Variants in CSMD2 observed in about 807,000 individuals in gnomAD.
The protein encoded by CSMD2 is CUB and sushi domain-containing protein 2.
Under a neutral mutation model 398.5 loss-of-function variants are expected in CSMD2, and 130 were observed. The ratio of observed to expected loss-of-function variants is 0.33; its 90% CI spans 0.28 to 0.38. The LOEUF (loss-of-function observed/expected upper bound fraction) is 0.38. Among genes scored for constraint, CSMD2 ranks in the 10% least tolerant of loss-of-function variants. The probability of loss-of-function intolerance (pLI) is 1.00; values close to 1 mark genes in which losing one functional copy is unlikely to be tolerated. For missense variants in CSMD2, 3,829 were observed against 4,764.9 expected, an observed-to-expected ratio of 0.80 and a Z score of 5.78; for synonymous variants, 1,828 against 1,908.5, an observed-to-expected ratio of 0.96 and a Z score of 1.10.
Position 33,636,648 on chromosome 1 carries a change from T to A in CSMD2, c.4775-94A>T. On this transcript the variant is annotated intron_variant, in intron 29 of 70. Coordinates refer to ENST00000373381, the MANE Select transcript of CSMD2 (RefSeq NM_001281956.2). This position sits in a 1 kb window ranked among gnomAD's most constrained non-coding sequence, Gnocchi z 4.8. ...AGTGCCCATGAGGAGAACCCGACTT[T>A]AATTAGCCACAGAGCACACGGGGAT... The A allele has an allele frequency of 2.9e-6, 3 of 1,021,746 alleles. No individual in the cohort carries two copies. Among genetic ancestry groups the A allele is most frequent in the Non-Finnish European group, 4.4e-6 (3 of 678,168 alleles). 63.3% of individuals were successfully genotyped at this position (1,021,746 alleles called of 1,614,324 possible). A position where few individuals can be genotyped will look rare whatever the true frequency, so the allele number is the denominator to read the frequency against.
intron 12 of CSMD2, among the ~76,000 whole-genome samples, chr1:33,785,160 C>T (rs567540140): frequency 6.6e-6 from 1 of 152,334 alleles, no homozygotes; most frequent in South Asian, 2.1e-4. Flanking sequence ...ATCCAAGCTG[C>T]TAGCTATTAT....
At chr1:33,780,507 G>T (rs115405636) in intron 12 of CSMD2, among the ~76,000 whole-genome samples, 2 of 152,200 alleles carry the variant, frequency 1.3e-5, no homozygotes, top group Admixed American at 6.5e-5. Context: ...ACTGTCATGG[G>T]TTTGTCACCA....
chr1:33,880,732 T>C (rs2125172332), intron 5 of CSMD2, among the ~76,000 whole-genome samples: 1 of 152,348 alleles, frequency 6.6e-6, no homozygotes, highest in Non-Finnish European at 1.5e-5. Context: ...GAAGCAAAGC[T>C]CATATTGGTA....
chr1:33,920,227 A>G (rs1643889109), intron 4 of CSMD2, among the ~76,000 whole-genome samples: 1 of 152,120 alleles, frequency 6.6e-6, no homozygotes, highest in Non-Finnish European at 1.5e-5. Flanking sequence ...GCACCGTTGA[A>G]GAGCATCAAG....
chr1:33,654,787 C>T (rs1200980029), intron 27 of CSMD2, among the ~76,000 whole-genome samples: 1 of 152,244 alleles, frequency 6.6e-6, no homozygotes, highest in African/African-American at 2.4e-5. Context: ...AACGAGGCCT[C>T]CATTCTGGTT....
intron 3 of CSMD2, among the ~76,000 whole-genome samples, chr1:33,944,616 T>C (rs78301128): frequency 1.9e-3 from 285 of 152,258 alleles, no homozygotes; most frequent in Non-Finnish European, 3.4e-3. Flanking sequence ...ACACAGCTAG[T>C]AGGAGTAGTG....
At chr1:33,940,834 T>C (rs1289447831) in intron 3 of CSMD2, among the ~76,000 whole-genome samples, 1 of 152,200 alleles carries the variant, frequency 6.6e-6, no homozygotes, top group East Asian at 1.9e-4. Context: ...TTTTTCCCAG[T>C]CTGATTTGCC....
chr1:34,023,877 C>T (rs1032087238), intron 3 of CSMD2, among the ~76,000 whole-genome samples: 17 of 152,146 alleles, frequency 1.1e-4, no homozygotes, highest in South Asian at 4.1e-4. Context: ...GAAACCTAAC[C>T]GGGCATGAGA....
rs371578794 is a variant in CSMD2, at chr1:33,521,308, TG to T, written c.10597+154del. Among the ~76,000 whole-genome samples the T allele has an allele frequency of 4.5e-3, 682 of 152,274 alleles. 4 individuals carry two copies. Among genetic ancestry groups the T allele is most frequent in the South Asian group, 6.2e-3 (30 of 4,822 alleles). Reference sequence around the variant, plus strand: ...TTTTGGAGAGATATTCCATGGCTTTTGTCAGAATCTCAAGAGGCATCCCTGA... The same window carrying T: ...TTTTGGAGAGATATTCCATGGCTTTTTCAGAATCTCAAGAGGCATCCCTGA... On this transcript the variant is annotated intron_variant, in intron 68 of 70. Coordinates refer to ENST00000373381, the MANE Select transcript of CSMD2 (RefSeq NM_001281956.2).
chr1:33,771,356 C>T (rs1651233384), intron 13 of CSMD2, among the ~76,000 whole-genome samples: 5 of 152,136 alleles, frequency 3.3e-5, no homozygotes. Flanking sequence ...TGCTACGTGG[C>T]TAATGCTGTT....
intron 3 of CSMD2, among the ~76,000 whole-genome samples, chr1:33,992,403 T>G (rs2148001040): frequency 6.6e-6 from 1 of 152,020 alleles, no homozygotes; most frequent in South Asian, 2.1e-4. Context: ...AGATGAGGTT[T>G]TGCCATGTTG....
intron 3 of CSMD2, among the ~76,000 whole-genome samples, chr1:33,953,875 G>C (rs539985237): frequency 6.6e-6 from 1 of 152,114 alleles, no homozygotes; most frequent in Non-Finnish European, 1.5e-5. Context: ...TTCATTTGCA[G>C]GGCACTTCCC....
Position 33,941,777 on chromosome 1 carries a change from T to A in CSMD2, c.518-5823A>T, listed in dbSNP as rs184939272. Among the ~76,000 whole-genome samples, 725 of 152,260 alleles carry A rather than the reference T, an allele frequency of 4.8e-3. 18 individuals are homozygous for A. The highest frequency in any genetic ancestry group is 0.04 in the Admixed American group (613 of 15,286). On this transcript the variant is annotated intron_variant, in intron 3 of 70. Coordinates refer to ENST00000373381, the MANE Select transcript of CSMD2 (RefSeq NM_001281956.2). ...CATATATTTCCATCCCCAAAGAGTT[T>A]TCTATACTTGCTGTCTCCATTTCCT...
chr1:33,934,768 G>A (rs763817887), intron 4 of CSMD2, among the ~76,000 whole-genome samples: 10 of 151,134 alleles, frequency 6.6e-5, no homozygotes, highest in Admixed American at 2.0e-4. Flanking sequence ...TGCCAAGGCC[G>A]GAGGATCATT....
intron 14 of CSMD2, among the ~76,000 whole-genome samples, chr1:33,742,257 C>T (rs1647093325): frequency 1.3e-5 from 2 of 152,152 alleles, no homozygotes. Flanking sequence ...CCCAAATGGC[C>T]CACCAGGTAG....
chr1:34,038,883 C>A (rs1651491619), intron 2 of CSMD2, among the ~76,000 whole-genome samples: 1 of 152,200 alleles, frequency 6.6e-6, no homozygotes, highest in Non-Finnish European at 1.5e-5. Context: ...TCTTCCCCCG[C>A]TTTTCTCCCA....
At chr1:33,605,809 C>G in intron 41 of CSMD2, 1 of 1,428,758 alleles carries the variant, frequency 7.0e-7, no homozygotes, top group Non-Finnish European at 9.7e-7. Context: ...CACTGAGTGC[C>G]ACTGGGGGCC....
At chr1:33,570,516 T>G (rs952942912) in intron 51 of CSMD2, among the ~76,000 whole-genome samples, 2 of 152,004 alleles carry the variant, frequency 1.3e-5, no homozygotes, top group Non-Finnish European at 2.9e-5. Context: ...AACTCCCACT[T>G]CTCACTGACC....
At chr1:34,039,733 G>T (rs1651609710) in intron 2 of CSMD2, among the ~76,000 whole-genome samples, 1 of 152,230 alleles carries the variant, frequency 6.6e-6, no homozygotes, top group Non-Finnish European at 1.5e-5. Context: ...AGCTGAGCAG[G>T]TTTAGGATTG....
Sources: gnomAD v4.1 joint callset for allele counts (sites outside exome capture counted in the v4.1 genomes callset) on GRCh38, gnomAD v4.1.1 for gene constraint, Gnocchi (gnomAD v3.1) non-coding constraint, MANE v1.5 for transcripts, NCBI Gene and HGNC (gene_info 2026-07-23, HGNC 2026-07-21) for gene names.